FHOD3: variants seen among roughly 807,000 people sequenced by gnomAD.
FHOD3 encodes FH1/FH2 domain-containing protein 3.
A neutral mutation model predicts 173.0 loss-of-function variants in FHOD3; 90 were observed. That is an observed-to-expected ratio of 0.52 (90% CI 0.44 to 0.62). The LOEUF is 0.62. Among genes scored for constraint, FHOD3 ranks in the 20% least tolerant of loss-of-function variants. The pLI is 0.00. For missense variants in FHOD3, 1,945 were observed against 2,034.7 expected (o/e 0.96, Z 0.85); for synonymous variants, 828 against 823.0 (o/e 1.01, Z -0.10).
In FHOD3 at chr18:36,681,233, C is replaced by T. The variant is rs75214836; in HGVS notation, c.1836-203C>T. ...CTGTCTGTTACCACCTTTTCTCCTG[C>T]GAGCACACTCACAGTATGATACTTT... On this transcript the variant is annotated intron_variant, in intron 14 of 28. Coordinates refer to ENST00000590592, the MANE Select transcript of FHOD3 (RefSeq NM_001281740.3). Among the ~76,000 whole-genome samples the T allele has an allele frequency of 1.3e-3, 195 of 152,148 alleles. 1 individual carries two copies. The highest frequency in any genetic ancestry group is 3.7e-3 in the East Asian group (19 of 5,188).
intron 15 of FHOD3, among the ~76,000 whole-genome samples, chr18:36,683,787 C>T (rs1038949031): frequency 6.6e-6 from 1 of 152,168 alleles, no homozygotes; most frequent in Non-Finnish European, 1.5e-5. Flanking sequence ...AGGCAGTTGC[C>T]TGAAATGGGA....
intron 3 of FHOD3, among the ~76,000 whole-genome samples, chr18:36,377,645 G>A (rs532047108): frequency 2.0e-5 from 3 of 152,334 alleles, no homozygotes; most frequent in East Asian, 3.9e-4. Context: ...ATGGTGATGC[G>A]TGTGTGCTCG....
At chr18:36,553,427 C>A (rs1225638357) in intron 5 of FHOD3, among the ~76,000 whole-genome samples, 1 of 152,068 alleles carries the variant, frequency 6.6e-6, no homozygotes, top group Non-Finnish European at 1.5e-5. Context: ...TGGTAGAATT[C>A]GGCTGTGAAT....
At chr18:36,421,580 T>G (rs2049987475) in intron 3 of FHOD3, among the ~76,000 whole-genome samples, 1 of 152,248 alleles carries the variant, frequency 6.6e-6, no homozygotes, top group Non-Finnish European at 1.5e-5. Flanking sequence ...AGAAAACATT[T>G]CATAGCGGTA....
chr18:36,328,005 G>T (rs1338275196), intron 1 of FHOD3, among the ~76,000 whole-genome samples: 1 of 152,120 alleles, frequency 6.6e-6, no homozygotes, highest in Non-Finnish European at 1.5e-5. Flanking sequence ...AACCTTAGGT[G>T]TTTCCACTTC....
chr18:36,409,331 C>G (rs78017945), intron 3 of FHOD3, among the ~76,000 whole-genome samples: 1 of 152,128 alleles, frequency 6.6e-6, no homozygotes, highest in Non-Finnish European at 1.5e-5. Flanking sequence ...TCTAGGAGTT[C>G]GAGGCAGCGG....
At chr18:36,503,579 G>T (rs1010340984) in intron 4 of FHOD3, among the ~76,000 whole-genome samples, 1 of 152,120 alleles carries the variant, frequency 6.6e-6, no homozygotes, top group African/African-American at 2.4e-5. Context: ...TTTGAACCTG[G>T]TGCACCCTTG....
At chr18:36,325,890 C>G (rs2044645245) in intron 1 of FHOD3, among the ~76,000 whole-genome samples, 1 of 152,218 alleles carries the variant, frequency 6.6e-6, no homozygotes. Flanking sequence ...CAGAAGGCTT[C>G]TTTGAGCAGG....
intron 3 of FHOD3, among the ~76,000 whole-genome samples, chr18:36,407,173 G>T (rs915421534): frequency 6.6e-6 from 1 of 152,176 alleles, no homozygotes; most frequent in African/African-American, 2.4e-5. Context: ...TAGGAATGTG[G>T]TCCAGAGTCA....
At chr18:36,556,131 T>C (rs2147494809) in intron 5 of FHOD3, among the ~76,000 whole-genome samples, 1 of 152,332 alleles carries the variant, frequency 6.6e-6, no homozygotes, top group East Asian at 1.9e-4. Flanking sequence ...TTTCTGCCTT[T>C]TTTTGATTAT....
Position 36,602,785 on chromosome 18 carries a change from A to G in FHOD3, c.813+17A>G. 1 of 1,585,122 alleles carries G rather than the reference A, an allele frequency of 6.3e-7. No individual in the cohort carries two copies. Among genetic ancestry groups the G allele is most frequent in the Non-Finnish European group, 8.7e-7 (1 of 1,153,548 alleles). On this transcript the variant is annotated intron_variant, in intron 8 of 28. Coordinates refer to ENST00000590592, the MANE Select transcript of FHOD3 (RefSeq NM_001281740.3). ...GTGAACAAGGTTGGTTGACTATGTT[A>G]TGGGTTGAATTGCGTCACCTAAAAA...
intron 3 of FHOD3, among the ~76,000 whole-genome samples, chr18:36,491,612 T>A (rs2145791009): frequency 1.3e-5 from 2 of 152,332 alleles, no homozygotes; most frequent in East Asian, 3.9e-4. Flanking sequence ...ACTGATCTTT[T>A]TACAGTCTCC....
At chr18:36,665,940 A>T (rs1402740563) in intron 14 of FHOD3, among the ~76,000 whole-genome samples, 1 of 152,170 alleles carries the variant, frequency 6.6e-6, no homozygotes, top group East Asian at 1.9e-4. Context: ...GGGCCGGAGG[A>T]CTCACTTGGT....
At chr18:36,411,611 T>G (rs1380021926) in intron 3 of FHOD3, among the ~76,000 whole-genome samples, 2 of 152,244 alleles carry the variant, frequency 1.3e-5, no homozygotes, top group African/African-American at 4.8e-5. Context: ...TTTTTATTTT[T>G]GTCAGTATAA....
intron 1 of FHOD3, among the ~76,000 whole-genome samples, chr18:36,334,530 G>C (rs916932213): frequency 1.3e-5 from 2 of 152,184 alleles, no homozygotes; most frequent in African/African-American, 4.8e-5. Flanking sequence ...AGCATTTGCT[G>C]CTTCTGTAAG....
chr18:36,696,927 C>G (rs2039318023), intron 17 of FHOD3, among the ~76,000 whole-genome samples: 1 of 152,196 alleles, frequency 6.6e-6, no homozygotes, highest in South Asian at 2.1e-4. Flanking sequence ...TCACTGATCC[C>G]TGGGGGTAGA....
chr18:36,372,682 G>T lies in FHOD3; in HGVS notation c.275G>T (p.Arg92Leu). The change falls in exon 3 of 29, where the codon CGG (arginine) becomes CTG (leucine). Residue 92 changes from arginine (R) to leucine (L), a missense_variant and splice_region_variant. Transcript: ENST00000590592. ...TGTTTTGTCTCCTGTCTCGTTAGGCGGGGCAAGAAGCACAGCATCATCCTA... is the reference window on the plus strand; with the variant it reads ...TGTTTTGTCTCCTGTCTCGTTAGGCTGGGCAAGAAGCACAGCATCATCCTA... Reference protein sequence around the residue: ...ELEGFQDDAGRGKKHSIILRT... With the variant: ...ELEGFQDDAGLGKKHSIILRT... 1 of 1,613,864 alleles carries T rather than the reference G, an allele frequency of 6.2e-7. No homozygotes were observed. The highest frequency in any genetic ancestry group is 1.7e-5 in the Admixed American group (1 of 60,002).
At chr18:36,552,502 CTTT>C (rs200765398) in intron 5 of FHOD3, among the ~76,000 whole-genome samples, 4 of 142,062 alleles carry the variant, frequency 2.8e-5, no homozygotes, top group Admixed American at 7.1e-5. Context: ...TTTTCTTTTT[CTTT>C]TTTTTTTTTT....
chr18:36,775,220 C>CA (rs149354323), intron 28 of FHOD3, among the ~76,000 whole-genome samples: 1 of 151,980 alleles, frequency 6.6e-6, no homozygotes, highest in African/African-American at 2.4e-5. Flanking sequence ...ATTAAAAAAC[C>CA]AAAAAACGAT....
Sources: gnomAD v4.1 joint callset for allele counts (sites outside exome capture counted in the v4.1 genomes callset) on GRCh38, gnomAD v4.1.1 for gene constraint, MANE v1.5 for transcripts, NCBI Gene and HGNC (gene_info 2026-07-23, HGNC 2026-07-21) for gene names.